Variants in NRG1 observed in about 807,000 individuals in gnomAD.
NRG1 encodes the protein neuregulin 1.
In NRG1, 18 loss-of-function variants were observed where a neutral mutation model predicts 63.8. The observed-to-expected ratio is 0.28, with a 90% CI of 0.19 to 0.42. NRG1 has a LOEUF of 0.42. Among genes scored for constraint, NRG1 ranks in the 10% least tolerant of loss-of-function variants. The pLI is 1.00. For synonymous variants in NRG1, 302 were observed against 301.3 expected, an observed-to-expected ratio of 1.00 and a Z score of -0.02; for missense variants, 762 against 814.7, an observed-to-expected ratio of 0.94 and a Z score of 0.79.
chr8:32,726,774 T>C (rs1200374495), intron 5 of NRG1, among the ~76,000 whole-genome samples: 1 of 150,806 alleles, frequency 6.6e-6, no homozygotes, highest in Non-Finnish European at 1.5e-5. Flanking sequence ...GCAGGTCAAA[T>C]AAAAGTAAAC....
chr8:32,657,514 A>C (rs1231850280), intron 5 of NRG1, among the ~76,000 whole-genome samples: 3 of 152,144 alleles, frequency 2.0e-5, no homozygotes, highest in Non-Finnish European at 4.4e-5. Flanking sequence ...GAGAGAGTGA[A>C]TGAGACCTTA....
At chr8:32,326,081 C>T (rs1240893462) in intron 1 of NRG1, among the ~76,000 whole-genome samples, 1 of 150,284 alleles carries the variant, frequency 6.7e-6, no homozygotes, top group South Asian at 2.1e-4. Flanking sequence ...GTGATCTAGG[C>T]TCACTGCAAC....
At chr8:32,659,237 T>C (rs1260092009) in intron 5 of NRG1, among the ~76,000 whole-genome samples, 2 of 150,990 alleles carry the variant, frequency 1.3e-5, no homozygotes, top group African/African-American at 2.4e-5. Flanking sequence ...CTCCACCTCC[T>C]GGGTTAAACC....
At chr8:32,274,348 G>T (rs1184881892) in intron 1 of NRG1, among the ~76,000 whole-genome samples, 2 of 152,150 alleles carry the variant, frequency 1.3e-5, no homozygotes, top group African/African-American at 4.8e-5. Flanking sequence ...TGTGTGAAAA[G>T]GTTTCATTAA....
intron 1 of NRG1, among the ~76,000 whole-genome samples, chr8:32,383,640 T>C (rs1341868615): frequency 1.3e-5 from 2 of 152,224 alleles, no homozygotes; most frequent in Non-Finnish European, 2.9e-5. Context: ...CACATAGATG[T>C]GACTGCCAGC....
In NRG1 at chr8:31,877,414, T is replaced by A. The variant is rs182457526; in HGVS notation, c.37+237983T>A. ...TATTTGAAATGTGTTTGTTTTTATG[T>A]TCTGTATATATTCTGTTCTTTTGGT... is the stretch of plus-strand genomic sequence containing the variant. On this transcript the variant is annotated intron_variant, in intron 1 of 10. Transcript: ENST00000519301. 5.9e-5 allele frequency among the ~76,000 whole-genome samples: 9 copies of A among 152,184 alleles called. No homozygotes were observed. In the East Asian group the frequency reaches 1.7e-3, roughly 29 times the overall value.
At chr8:31,778,788 C>T (rs1819403817) in intron 1 of NRG1, among the ~76,000 whole-genome samples, 1 of 152,142 alleles carries the variant, frequency 6.6e-6, no homozygotes, top group Non-Finnish European at 1.5e-5. Context: ...TTTTGGGAAG[C>T]CAATGTGCAG....
intron 1 of NRG1, among the ~76,000 whole-genome samples, chr8:31,792,048 C>T (rs1195019282): frequency 6.6e-6 from 1 of 152,122 alleles, no homozygotes; most frequent in African/African-American, 2.4e-5. Flanking sequence ...CCCTCCACAT[C>T]TTATAGCTTT....
intron 1 of NRG1, among the ~76,000 whole-genome samples, chr8:31,733,413 A>G (rs1814321720): frequency 1.3e-5 from 2 of 152,164 alleles, no homozygotes; most frequent in Admixed American, 1.3e-4. Flanking sequence ...CTGTAGGTAT[A>G]AAACAATATG....
chr8:32,353,111 AT>A (rs565425899), intron 1 of NRG1, among the ~76,000 whole-genome samples: 35 of 150,778 alleles, frequency 2.3e-4, no homozygotes, highest in African/African-American at 8.2e-4. Context: ...TCCTCAAAAA[AT>A]AATAAATAAG....
intron 1 of NRG1, among the ~76,000 whole-genome samples, chr8:31,832,444 A>G (rs938606938): frequency 6.6e-6 from 1 of 152,040 alleles, no homozygotes; most frequent in Admixed American, 6.6e-5. Flanking sequence ...TAATTTGTAG[A>G]GACAGAGTTT....
intron 1 of NRG1, among the ~76,000 whole-genome samples, chr8:32,288,151 GGAGAGAGA>G (rs146360274): frequency 6.6e-6 from 1 of 150,388 alleles, no homozygotes; most frequent in Non-Finnish European, 1.5e-5. Context: ...AAGACAGATA[GGAGAGAGA>G]GAGAGAGAGA....
chr8:32,772,056 T>TATATATAC (rs1272751052), downstream of NRG1, among the ~76,000 whole-genome samples: 11 of 2,140 alleles, frequency 5.1e-3, no homozygotes, highest in African/African-American at 0.012. Flanking sequence ...TATATATATA[T>TATATATAC]ATATATATAT....
intron 1 of NRG1, among the ~76,000 whole-genome samples, chr8:31,652,520 A>T (rs192768851): frequency 6.6e-6 from 1 of 152,180 alleles, no homozygotes; most frequent in Non-Finnish European, 1.5e-5. Flanking sequence ...TCTTTCTCCT[A>T]TCCAGAACCT....
At chr8:31,762,169 T>C (rs1817628824) in intron 1 of NRG1, among the ~76,000 whole-genome samples, 1 of 152,126 alleles carries the variant, frequency 6.6e-6, no homozygotes, top group Non-Finnish European at 1.5e-5. Flanking sequence ...ACATGGTGGT[T>C]TGCTGCACCT....
chr8:32,096,252 C>A (rs982500245), intron 1 of NRG1, among the ~76,000 whole-genome samples: 2 of 152,058 alleles, frequency 1.3e-5, no homozygotes, highest in Non-Finnish European at 2.9e-5. Flanking sequence ...TAAGAAGATA[C>A]CAGAAGAAGC....
chr8:32,475,284 G>A (rs1322634047), intron 1 of NRG1, among the ~76,000 whole-genome samples: 1 of 151,736 alleles, frequency 6.6e-6, no homozygotes, highest in Non-Finnish European at 1.5e-5. Flanking sequence ...GGCCAACATG[G>A]TGAAACCCCA....
intron 1 of NRG1, among the ~76,000 whole-genome samples, chr8:31,825,257 G>A (rs1044758850): frequency 2.6e-5 from 4 of 151,980 alleles, no homozygotes; most frequent in African/African-American, 4.8e-5. Context: ...GTGTGGTGGC[G>A]GGCACCTGTA....
At chr8:32,088,295 A>C (rs1274837251) in intron 1 of NRG1, among the ~76,000 whole-genome samples, 2 of 152,326 alleles carry the variant, frequency 1.3e-5, no homozygotes, top group East Asian at 3.9e-4. Context: ...ACGAAAATTC[A>C]ACAAGTATCT....
Sources: allele counts gnomAD v4.1 joint callset (sites outside exome capture counted in the v4.1 genomes callset), GRCh38; gene constraint gnomAD v4.1.1; transcripts MANE v1.5; gene names NCBI Gene and HGNC (gene_info 2026-07-23, HGNC 2026-07-21).